The following TF variants were observed in gnomAD, a reference collection of about 807,000 sequenced individuals.
The protein encoded by TF is serotransferrin.
A neutral mutation model predicts 82.4 loss-of-function variants in TF; 55 were observed. That is an observed-to-expected ratio of 0.67 (90% CI 0.54 to 0.84). TF has a LOEUF of 0.84. TF is among the 40% of genes least tolerant of loss of function. The probability of loss-of-function intolerance (pLI) is 0.00; values close to 1 mark genes in which losing one functional copy is unlikely to be tolerated. For synonymous variants in TF, 332 were observed against 332.6 expected, an observed-to-expected ratio of 1.00 and a Z score of 0.02; for missense variants, 737 against 868.4, an observed-to-expected ratio of 0.85 and a Z score of 1.90.
At chr3:133,744,736 T>C (rs1008924985), upstream of TF, among the ~76,000 whole-genome samples, 6 of 152,244 alleles carry the variant, frequency 3.9e-5, no homozygotes, top group South Asian at 2.1e-4. Flanking sequence ...GCTTCTGTAG[T>C]GGACTCTAAA....
At chr3:133,677,997 C>T in the TF span, among the ~76,000 whole-genome samples, 1 of 152,156 alleles carries the variant, frequency 6.6e-6, no homozygotes, top group African/African-American at 2.4e-5. Context: ...TCTCCTAATG[C>T]TATCCCTCCC....
the TF span, among the ~76,000 whole-genome samples, chr3:133,716,733 T>C: frequency 2.0e-5 from 3 of 152,238 alleles, no homozygotes; most frequent in African/African-American, 4.8e-5. Flanking sequence ...CCACCAGTGA[T>C]TTCCCATATC....
chr3:133,667,416 A>T, the TF span, among the ~76,000 whole-genome samples: 1 of 151,934 alleles, frequency 6.6e-6, no homozygotes, highest in Admixed American at 6.6e-5. Context: ...AGCTGACTTC[A>T]TCTGTGTCCT....
the TF span, among the ~76,000 whole-genome samples, chr3:133,715,404 C>T: frequency 6.6e-6 from 1 of 152,180 alleles, no homozygotes; most frequent in Non-Finnish European, 1.5e-5. Context: ...CTGGCTGTCT[C>T]CTCGCTAAGT....
rs1576354288 is a variant in TF, at chr3:133,748,467, T to C, written c.99T>C (p.His33=). The C allele has an allele frequency of 6.2e-7, 1 of 1,614,132 alleles. No homozygotes were observed. Among genetic ancestry groups the C allele is most frequent in the Non-Finnish European group, 8.5e-7 (1 of 1,180,014 alleles). ...TGAGATGGTGTGCAGTGTCGGAGCA[T>C]GAGGCCACTAAGTGCCAGAGTTTCC... ...KTVRWCAVSE[H]EATKCQSFRD... Residue 33 remains histidine (H), a synonymous_variant, in exon 2 of 17, where the codon CAT becomes CAC. Transcript: ENST00000402696.
chr3:133,697,350 A>G, the TF span, among the ~76,000 whole-genome samples: 1 of 152,176 alleles, frequency 6.6e-6, no homozygotes, highest in Admixed American at 6.5e-5. Flanking sequence ...ATTATCCACA[A>G]TTTTAATTAG....
At position 133,766,267 on chromosome 3, in the gene TF, C is replaced by A. The variant is rs1373473866; in HGVS notation, c.1331-11C>A. 2.5e-6 allele frequency: 4 copies of A among 1,614,008 alleles called. No individual in the cohort carries two copies. In the Admixed American group the frequency reaches 6.7e-5, roughly 27 times the overall value. On this transcript the variant is annotated splice_polypyrimidine_tract_variant and intron_variant, in intron 11 of 16. Transcript: ENST00000402696. ...GTGTTAATACATCCTTTTCTGGTGT[C>A]TTTCTTGTAGGGTATTTTGCTATAG...
At chr3:133,715,166 T>A in the TF span, among the ~76,000 whole-genome samples, 1 of 152,186 alleles carries the variant, frequency 6.6e-6, no homozygotes, top group Non-Finnish European at 1.5e-5. Context: ...AAATGAGCCA[T>A]GTATCTCTAG....
At chr3:133,743,154 C>T (rs962448982), upstream of TF, among the ~76,000 whole-genome samples, 1 of 152,152 alleles carries the variant, frequency 6.6e-6, no homozygotes, top group Non-Finnish European at 1.5e-5. Context: ...AATAAGGACC[C>T]ATCATTTGAC....
the TF span, among the ~76,000 whole-genome samples, chr3:133,668,661 C>G: frequency 2.8e-4 from 42 of 152,290 alleles, no homozygotes; most frequent in South Asian, 8.1e-3. Flanking sequence ...CCCACCCATA[C>G]CCCCTCACCC....
the TF span, chr3:133,694,492 T>C: frequency 6.6e-6 from 1 of 152,622 alleles, no homozygotes; most frequent in Non-Finnish European, 1.5e-5. Flanking sequence ...GTGCCTCCCA[T>C]GGCCAAGCCT....
At chr3:133,774,104 A>G (rs1026687716) in intron 14 of TF, 1 of 152,200 alleles carries the variant, frequency 6.6e-6, no homozygotes, top group African/African-American at 2.4e-5. Context: ...ATAAAATATT[A>G]TTATCCCTGC....
chr3:133,665,968 AAC>A, the TF span, among the ~76,000 whole-genome samples: 2 of 151,672 alleles, frequency 1.3e-5, no homozygotes, highest in South Asian at 4.1e-4. Context: ...CGGGAAAGAA[AAC>A]ACAGGAAACA....
At chr3:133,736,631 C>CAAAAAAGAAAAGAAAAAAAAAA in the TF span, among the ~76,000 whole-genome samples, 1 of 32,552 alleles carries the variant, frequency 3.1e-5, no homozygotes, top group Non-Finnish European at 5.4e-5. Context: ...AATGGAAAGC[C>CAAAAAAGAAAAGAAAAAAAAAA]AAAAAAAAAA....
chr3:133,700,172 G>A, the TF span: 3 of 152,536 alleles, frequency 2.0e-5, no homozygotes, highest in African/African-American at 4.8e-5. Flanking sequence ...CTGATTTGCA[G>A]GATGTATCTG....
chr3:133,719,287 C>T, the TF span, among the ~76,000 whole-genome samples: 435 of 152,218 alleles, frequency 2.9e-3, 1 homozygote, highest in African/African-American at 8.8e-3. Context: ...TCCCTGTTAA[C>T]GGGAGAACAC....
At chr3:133,755,607 G>A (rs1026636378) in intron 5 of TF, 112 bp downstream of exon 5, 5 of 1,479,908 alleles carry the variant, frequency 3.4e-6, no homozygotes, top group Middle Eastern at 3.8e-4. Flanking sequence ...GCATCGAGGT[G>A]GCCTAATCCC....
At chr3:133,680,036 A>G in the TF span, among the ~76,000 whole-genome samples, 1,150 of 152,190 alleles carry the variant, frequency 7.6e-3, 10 homozygotes, top group African/African-American at 0.026. Flanking sequence ...TGTGATTTTA[A>G]TTACATTTCT....
the TF span, among the ~76,000 whole-genome samples, chr3:133,730,958 G>A: frequency 6.6e-6 from 1 of 152,166 alleles, no homozygotes; most frequent in Non-Finnish European, 1.5e-5. Context: ...GTACTTAAAA[G>A]GCCTATCTGT....
Sources: gnomAD v4.1 joint callset for allele counts (sites outside exome capture counted in the v4.1 genomes callset) on GRCh38, gnomAD v4.1.1 for gene constraint, MANE v1.5 for transcripts, NCBI Gene and HGNC (gene_info 2026-07-23, HGNC 2026-07-21) for gene names.